Variants in SOS2 observed in about 807,000 individuals in gnomAD.
The protein encoded by SOS2 is SOS Ras/Rho guanine nucleotide exchange factor 2.
Under a neutral mutation model 148.2 loss-of-function variants are expected in SOS2, and 65 were observed. The observed-to-expected ratio is 0.44, with a 90% CI of 0.36 to 0.54. The LOEUF is 0.54. Ranked by LOEUF, SOS2 falls within the 20% of genes least tolerant of loss-of-function variation. The pLI, the probability that SOS2 is intolerant of heterozygous loss-of-function variation, is 0.00. For synonymous variants in SOS2, 539 were observed against 537.1 expected (o/e 1.00, Z -0.05); for missense variants, 1,341 against 1,590.2 (o/e 0.84, Z 2.67).
At position 50,172,419 on chromosome 14, in the gene SOS2, C is replaced by CTTTTTTTTTTTTTTTTTTTTTTTTTTT. The variant is rs768766517; in HGVS notation, c.1068+2034_1068+2035insAAAAAAAAAAAAAAAAAAAAAAAAAAA. ...ATGGGTAGTTTCTCTTTATTCATTC[C>CTTTTTTTTTTTTTTTTTTTTTTTTTTT]TTTTTTTTTTTTTTCTGAGATGGAG... On this transcript the variant is annotated intron_variant, in intron 8 of 22. Transcript: ENST00000216373. Among the ~76,000 whole-genome samples, 8 of 82,764 alleles carry CTTTTTTTTTTTTTTTTTTTTTTTTTTT rather than the reference C, an allele frequency of 9.7e-5. 1 individual carries two copies. Among genetic ancestry groups the CTTTTTTTTTTTTTTTTTTTTTTTTTTT allele is most frequent in the African/African-American group, 3.0e-4 (6 of 19,852 alleles). The allele number at this position is 82,764 out of a possible 152,430, so 54.3% of individuals were successfully genotyped here.
intron 5 of SOS2, among the ~76,000 whole-genome samples, chr14:50,186,536 C>T (rs1400966699): frequency 4.6e-5 from 7 of 151,556 alleles, no homozygotes. Context: ...AATCTTAGCA[C>T]TTTGGGGGGC....
chr14:50,199,009 T>C (rs887954161), intron 4 of SOS2, among the ~76,000 whole-genome samples: 1 of 152,066 alleles, frequency 6.6e-6, no homozygotes, highest in Non-Finnish European at 1.5e-5. Flanking sequence ...TAAAAACAGC[T>C]GGACGTGGTG....
chr14:50,213,982 T>C (rs1310836470), intron 1 of SOS2, among the ~76,000 whole-genome samples: 1 of 151,774 alleles, frequency 6.6e-6, no homozygotes, highest in Non-Finnish European at 1.5e-5. Flanking sequence ...GAAAAAAACA[T>C]GAAATAGCAA....
intron 1 of SOS2, among the ~76,000 whole-genome samples, chr14:50,209,978 C>A (rs532376450): frequency 9.2e-5 from 14 of 152,236 alleles, no homozygotes; most frequent in Admixed American, 6.5e-4. Flanking sequence ...AAATCACAAT[C>A]AAATCCAAGC....
chr14:50,123,779 G>C (rs1883598983), intron 21 of SOS2, among the ~76,000 whole-genome samples: 1 of 152,180 alleles, frequency 6.6e-6, no homozygotes, highest in Non-Finnish European at 1.5e-5. Flanking sequence ...AAGTGGAGAA[G>C]ATAATAAGTC....
intron 18 of SOS2, among the ~76,000 whole-genome samples, chr14:50,134,970 G>A (rs1884023888): frequency 6.6e-6 from 1 of 151,028 alleles, no homozygotes; most frequent in African/African-American, 2.4e-5. Context: ...CTACTCAGGA[G>A]GCTGAGACAG....
chr14:50,125,292 G>T (rs1883646723), intron 21 of SOS2, among the ~76,000 whole-genome samples: 1 of 152,200 alleles, frequency 6.6e-6, no homozygotes, highest in African/African-American at 2.4e-5. Flanking sequence ...AATGCCAGAA[G>T]GTAGAAGAAG....
rs549119090 is a variant in SOS2, at chr14:50,180,545, A to C, written c.969+27T>G. The C allele has an allele frequency of 3.1e-3, 3,234 of 1,039,568 alleles. 94 individuals carry two copies. The Admixed American group carries it at 0.071, about 23-fold the overall frequency. 64.4% of individuals were successfully genotyped at this position (1,039,568 alleles called of 1,614,324 possible). A position where few individuals can be genotyped will look rare whatever the true frequency, so the allele number is the denominator to read the frequency against. Reference sequence around the variant, plus strand: ...TTATTTGCTTTATTAAAAAAAAAAAAAAAAAAAACCTTCAATTTAAGTTTA... The same window carrying C: ...TTATTTGCTTTATTAAAAAAAAAAACAAAAAAAACCTTCAATTTAAGTTTA... On this transcript the variant is annotated intron_variant, in intron 7 of 22. Transcript: ENST00000216373.
intron 4 of SOS2, among the ~76,000 whole-genome samples, chr14:50,189,348 A>AAAAAAAAG (rs60224462): frequency 4.8e-5 from 7 of 146,576 alleles, no homozygotes; most frequent in South Asian, 2.2e-4. Flanking sequence ...AAAAAAAAAA[A>AAAAAAAAG]GCAAGCCTGT....
rs555466361 is a variant in SOS2 at position 50,128,853 on chromosome 14, C to T, written c.3379+1108G>A. 1.2e-4 allele frequency among the ~76,000 whole-genome samples: 18 copies of T among 152,196 alleles called. No individual in the cohort carries two copies. The South Asian group carries it at 3.7e-3, about 32-fold the overall frequency. On this transcript the variant is annotated intron_variant, in intron 21 of 22. Transcript: ENST00000216373. ...TTGAACTGCTATGTTGCCCTGACCT[C>T]AAGTGATACTCCTGCCTCAGCCTCC...
At chr14:50,123,703 A>T (rs1355762993) in intron 21 of SOS2, among the ~76,000 whole-genome samples, 1 of 152,116 alleles carries the variant, frequency 6.6e-6, no homozygotes, top group Non-Finnish European at 1.5e-5. Flanking sequence ...CTTTAAGCAC[A>T]AGTAAAACAA....
At position 50,150,047 on chromosome 14, in the gene SOS2, A is replaced by G. The variant is rs753725530; in HGVS notation, c.2345T>C (p.Ile782Thr). The G allele has an allele frequency of 2.5e-6, 4 of 1,613,764 alleles. No homozygotes were observed. The highest frequency in any genetic ancestry group is 3.4e-6 in the Non-Finnish European group (4 of 1,179,786). ...FDLMTLHPIEIARQLTLLESD... is the reference protein window; with the variant it reads ...FDLMTLHPIETARQLTLLESD... Reference sequence around the variant, plus strand: ...CTCCAAAAGTGTCAGCTGACGTGCAATTTCTATTGGATGAAGTGTCATGAG... The same window carrying G: ...CTCCAAAAGTGTCAGCTGACGTGCAGTTTCTATTGGATGAAGTGTCATGAG... The change falls in exon 14 of 23, where the codon ATT (isoleucine) becomes ACT (threonine). Residue 782 changes from isoleucine (I) to threonine (T), a missense_variant. By Grantham distance (89) the Ile-to-Thr change is moderately conservative (BLOSUM62 -1). Transcript: ENST00000216373.
chr14:50,209,931 C>T lies in SOS2; in HGVS notation c.88-5522G>A, dbSNP rs540971023. ...GAACTGTCAGACTTAATATTGTATA[C>T]AACTGAATTCTCTCAAAATTGATAC... On this transcript the variant is annotated intron_variant, in intron 1 of 22. Transcript: ENST00000216373. Among the ~76,000 whole-genome samples, 3 of 152,252 alleles carry T rather than the reference C, an allele frequency of 2.0e-5. No individual in the cohort carries two copies. The East Asian group carries it at 5.8e-4, about 29-fold the overall frequency.
At chr14:50,186,335 GA>G (rs1262466482) in intron 5 of SOS2, among the ~76,000 whole-genome samples, 1 of 152,146 alleles carries the variant, frequency 6.6e-6, no homozygotes, top group Non-Finnish European at 1.5e-5. Context: ...CCTGAGGAAT[GA>G]AAACTGATGG....
At chr14:50,173,627 T>A (rs2139676402) in intron 8 of SOS2, among the ~76,000 whole-genome samples, 1 of 152,220 alleles carries the variant, frequency 6.6e-6, no homozygotes, top group East Asian at 1.9e-4. Context: ...TTCACCATGT[T>A]AGCCAGGATG....
In SOS2 at chr14:50,210,596, A is replaced by G. The variant is rs531666547; in HGVS notation, c.88-6187T>C. Among the ~76,000 whole-genome samples the G allele has an allele frequency of 2.0e-3, 310 of 152,252 alleles. 4 individuals are homozygous for G. The highest frequency in any genetic ancestry group is 2.8e-3 in the Non-Finnish European group (193 of 68,024). On this transcript the variant is annotated intron_variant, in intron 1 of 22. Coordinates refer to ENST00000216373, the MANE Select transcript of SOS2 (RefSeq NM_006939.4). The stretch of plus-strand genomic sequence containing the variant: ...CAAAAGACATCTTTAAGAAAGTAAA[A>G]AGGCAAGTTACAGAGTTGGAGAAGA...
chr14:50,154,564 C>T (rs375866846), intron 12 of SOS2, among the ~76,000 whole-genome samples: 4 of 151,946 alleles, frequency 2.6e-5, no homozygotes, highest in Admixed American at 6.6e-5. Flanking sequence ...TAATAAAAAA[C>T]GAGAAAAAGC....
At chr14:50,179,283 A>C (rs1277037347) in intron 7 of SOS2, among the ~76,000 whole-genome samples, 1 of 150,072 alleles carries the variant, frequency 6.7e-6, no homozygotes, top group African/African-American at 2.5e-5. Flanking sequence ...TAATTATTCT[A>C]CTAGAGTGAA....
chr14:50,154,399 G>A (rs1884751938), intron 12 of SOS2, among the ~76,000 whole-genome samples: 1 of 152,176 alleles, frequency 6.6e-6, no homozygotes, highest in Admixed American at 6.5e-5. Context: ...CATTGTTGGT[G>A]AGAATGTTTT....
Sources: gnomAD v4.1 joint callset for allele counts (sites outside exome capture counted in the v4.1 genomes callset) on GRCh38, gnomAD v4.1.1 for gene constraint, MANE v1.5 for transcripts, NCBI Gene and HGNC (gene_info 2026-07-23, HGNC 2026-07-21) for gene names.